PLPPR5: variants seen among roughly 807,000 people sequenced by gnomAD.
PLPPR5 encodes phospholipid phosphatase-related protein type 5.
In PLPPR5, 16 loss-of-function variants were observed where a neutral mutation model predicts 33.9. The observed-to-expected ratio is 0.47, with a 90% CI of 0.32 to 0.72. PLPPR5 has a LOEUF of 0.72. Among genes scored for constraint, PLPPR5 ranks in the 30% least tolerant of loss-of-function variants. The pLI, the probability that PLPPR5 is intolerant of heterozygous loss-of-function variation, is 0.03. For missense variants in PLPPR5, 301 were observed against 406.7 expected (o/e 0.74, Z 2.23); for synonymous variants, 163 against 150.3 (o/e 1.08, Z -0.62).
intron 5 of PLPPR5, among the ~76,000 whole-genome samples, chr1:98,909,771 A>C (rs191803621): frequency 6.6e-6 from 1 of 152,300 alleles, no homozygotes; most frequent in East Asian, 1.9e-4. Context: ...CACTGCTCAT[A>C]TATATTTTAG....
intron 1 of PLPPR5, among the ~76,000 whole-genome samples, chr1:99,001,112 C>T (rs1652823820): frequency 6.6e-6 from 1 of 150,500 alleles, no homozygotes; most frequent in South Asian, 2.1e-4. Context: ...CAAGATTACA[C>T]AGCAAGTAGA....
chr1:98,974,891 A>C (rs1651790452), intron 1 of PLPPR5, among the ~76,000 whole-genome samples: 1 of 151,876 alleles, frequency 6.6e-6, no homozygotes, highest in Admixed American at 6.6e-5. Context: ...ACTGTCTGGG[A>C]CTGTGATTCC....
At chr1:98,945,697 G>A (rs1022741868) in intron 3 of PLPPR5, among the ~76,000 whole-genome samples, 6 of 152,174 alleles carry the variant, frequency 3.9e-5, no homozygotes, top group African/African-American at 2.4e-5. Context: ...AAAGAGGTAA[G>A]GTAAAGTAAC....
chr1:98,946,428 A>G (rs920581306), intron 3 of PLPPR5, among the ~76,000 whole-genome samples: 2 of 152,144 alleles, frequency 1.3e-5, no homozygotes, highest in African/African-American at 4.8e-5. Flanking sequence ...TTCCTGATTT[A>G]TTCACCCTTG....
chr1:99,003,111 G>A (rs1365503513), intron 1 of PLPPR5, among the ~76,000 whole-genome samples: 1 of 134,078 alleles, frequency 7.5e-6, no homozygotes, highest in African/African-American at 2.8e-5. Flanking sequence ...AACATTATCT[G>A]GGGCAAGGTC....
intron 3 of PLPPR5, among the ~76,000 whole-genome samples, chr1:98,943,575 TC>T (rs1192464112): frequency 6.6e-6 from 1 of 152,196 alleles, no homozygotes; most frequent in Non-Finnish European, 1.5e-5. Flanking sequence ...GGTCATTTCC[TC>T]AGTCCATGAG....
Position 98,956,660 on chromosome 1 carries a change from C to T in PLPPR5, c.319G>A (p.Gly107Arg). Residue 107 changes from glycine to arginine, a missense_variant, in exon 2 of 6, where the codon GGA (glycine) becomes AGA (arginine). Transcript: ENST00000263177. Reference protein sequence around the residue: ...FENQEKTILTGDCCYINPLVR... With the variant: ...FENQEKTILTRDCCYINPLVR... The stretch of plus-strand genomic sequence containing the variant: ...AGCGGGTTTATATAGCAACAGTCTC[C>T]AGTTAAAATAGTTTTTTCCTGGTTT... The T allele has an allele frequency of 1.2e-6, 2 of 1,602,866 alleles. No homozygotes were observed. Among genetic ancestry groups the T allele is most frequent in the Non-Finnish European group, 1.7e-6 (2 of 1,175,906 alleles).
At chr1:98,989,499 T>C (rs931645064) in intron 1 of PLPPR5, among the ~76,000 whole-genome samples, 2 of 152,100 alleles carry the variant, frequency 1.3e-5, no homozygotes, top group Admixed American at 1.3e-4. Flanking sequence ...AGAGTTGTGG[T>C]AATGCTCCAA....
At chr1:98,924,544 G>A (rs889832355) in intron 3 of PLPPR5, among the ~76,000 whole-genome samples, 2 of 152,146 alleles carry the variant, frequency 1.3e-5, no homozygotes, top group African/African-American at 4.8e-5. Context: ...GGGGAAGTGG[G>A]AAATAGTGTG....
chr1:99,004,875 C>T, upstream of PLPPR5: 1 of 232,796 alleles, frequency 4.3e-6, no homozygotes, highest in Non-Finnish European at 8.1e-6. Flanking sequence ...GAGGAGGCGG[C>T]TACCCCCGGA....
chr1:98,908,612 T>A (rs895224070), intron 5 of PLPPR5, among the ~76,000 whole-genome samples: 1 of 152,106 alleles, frequency 6.6e-6, no homozygotes, highest in South Asian at 2.1e-4. Flanking sequence ...GTGTGACCCA[T>A]GAGGAGATTT....
chr1:98,954,083 G>A (rs1650912187), intron 2 of PLPPR5, among the ~76,000 whole-genome samples: 1 of 152,132 alleles, frequency 6.6e-6, no homozygotes, highest in South Asian at 2.1e-4. Context: ...TGAAGGTATA[G>A]AACTAAGTGT....
intron 5 of PLPPR5, among the ~76,000 whole-genome samples, chr1:98,906,948 T>C (rs1472363874): frequency 1.3e-5 from 2 of 152,186 alleles, no homozygotes; most frequent in African/African-American, 4.8e-5. Flanking sequence ...TTTTCTCAGA[T>C]ATCAATTTAA....
At chr1:98,933,607 C>T (rs1460678604) in intron 3 of PLPPR5, among the ~76,000 whole-genome samples, 1 of 151,956 alleles carries the variant, frequency 6.6e-6, no homozygotes, top group Non-Finnish European at 1.5e-5. Flanking sequence ...CTGAGCTTTG[C>T]ATAACCAAAG....
Position 98,999,997 on chromosome 1 carries a change from T to C in PLPPR5, c.237+4438A>G, listed in dbSNP as rs1411782746. 2.6e-5 allele frequency among the ~76,000 whole-genome samples: 4 copies of C among 152,186 alleles called. No homozygotes were observed. In the East Asian group the frequency reaches 7.7e-4, roughly 29 times the overall value. On this transcript the variant is annotated intron_variant, in intron 1 of 5. Transcript: ENST00000263177. ...TTCATTTCCTTTAAATCATCTATGT[T>C]GCTCAGAGATCTAAGGAACAATAGC... is the stretch of plus-strand genomic sequence containing the variant.
At chr1:98,999,273 T>C (rs1652741492) in intron 1 of PLPPR5, among the ~76,000 whole-genome samples, 1 of 152,208 alleles carries the variant, frequency 6.6e-6, no homozygotes, top group Admixed American at 6.5e-5. Context: ...GCTCTGATAC[T>C]TACACATGTT....
chr1:98,991,149 C>A (rs1231536892), intron 1 of PLPPR5: 1 of 151,912 alleles, frequency 6.6e-6, no homozygotes, highest in Admixed American at 6.6e-5. Flanking sequence ...GATGAAGTTT[C>A]CTGGAGTGTT....
At chr1:98,922,276 T>C (rs1289939111) in intron 3 of PLPPR5, among the ~76,000 whole-genome samples, 1 of 152,230 alleles carries the variant, frequency 6.6e-6, no homozygotes, top group East Asian at 1.9e-4. Flanking sequence ...TGGCAATCTC[T>C]TACAAATGGC....
chr1:99,001,357 G>T (rs1557699269), intron 1 of PLPPR5, among the ~76,000 whole-genome samples: 1 of 151,480 alleles, frequency 6.6e-6, no homozygotes. Flanking sequence ...GGATGGTCTT[G>T]ATCTCCTGAC....
Sources: gnomAD v4.1 joint callset for allele counts (sites outside exome capture counted in the v4.1 genomes callset) on GRCh38, gnomAD v4.1.1 for gene constraint, MANE v1.5 for transcripts, NCBI Gene and HGNC (gene_info 2026-07-23, HGNC 2026-07-21) for gene names.